TMC7: variants seen among roughly 807,000 people sequenced by gnomAD.
The protein encoded by TMC7 is transmembrane channel like 7, also known as transmembrane channel-like protein 7.
TMC7 carries 54 observed loss-of-function variants against 82.9 expected under a neutral mutation model. The ratio of observed to expected loss-of-function variants is 0.65; its 90% confidence interval spans 0.52 to 0.82. TMC7 has a LOEUF of 0.82. Ranked by LOEUF, TMC7 falls within the 40% of genes least tolerant of loss-of-function variation. The probability of loss-of-function intolerance (pLI) is 0.00; values close to 1 mark genes in which losing one functional copy is unlikely to be tolerated. For missense variants in TMC7, 820 were observed against 901.2 expected (o/e 0.91, Z 1.15); for synonymous variants, 350 against 337.9 (o/e 1.04, Z -0.39).
At chr16:19,047,037 C>A (rs1422984678) in intron 11 of TMC7, 26 bp from the exon 12 acceptor site, 5 of 1,579,814 alleles carry the variant, frequency 3.2e-6, no homozygotes, top group Non-Finnish European at 4.3e-6. Context: ...ACACCAGTAG[C>A]CCAAATGAGA....
intron 5 of TMC7, among the ~76,000 whole-genome samples, chr16:19,025,575 C>T (rs1008186645): frequency 6.6e-5 from 10 of 151,988 alleles, no homozygotes; most frequent in African/African-American, 2.2e-4. Context: ...GCTGAGATCA[C>T]GCAACTGCAT....
intron 9 of TMC7, among the ~76,000 whole-genome samples, chr16:19,041,232 C>T (rs568208243): frequency 7.6e-4 from 116 of 151,848 alleles, no homozygotes; most frequent in Non-Finnish European, 1.4e-3. Context: ...TGTAATGATC[C>T]CCATATGCCT....
In TMC7 at chr16:19,018,449, C is replaced by T. The variant is rs149121867; in HGVS notation, c.460+1851C>T. ...TGCTCTGAGAAAGAGTGCAAACTCT[C>T]TGGTGTCTCTTTTTATAAGGACACT... On this transcript the variant is annotated intron_variant, in intron 3 of 15. Coordinates refer to ENST00000304381, the MANE Select transcript of TMC7 (RefSeq NM_024847.4). Among the ~76,000 whole-genome samples, 167 of 152,192 alleles carry T rather than the reference C, an allele frequency of 1.1e-3. 2 individuals carry two copies. Among genetic ancestry groups the T allele is most frequent in the African/African-American group, 3.6e-3 (150 of 41,538 alleles).
intron 1 of TMC7, among the ~76,000 whole-genome samples, chr16:18,985,733 A>G (rs2038835904): frequency 6.7e-6 from 1 of 149,318 alleles, no homozygotes; most frequent in African/African-American, 2.5e-5. Flanking sequence ...GTACCCACCA[A>G]CATTGGTGGG....
intron 5 of TMC7, 139 bp from the exon 6 acceptor site, chr16:19,030,085 C>T: frequency 1.2e-6 from 1 of 824,194 alleles, no homozygotes; most frequent in Non-Finnish European, 1.9e-6. Flanking sequence ...CTCCCTGTGC[C>T]TCTGGGGCTG....
At chr16:19,031,208 T>A (rs935683169) in intron 6 of TMC7, among the ~76,000 whole-genome samples, 6 of 152,160 alleles carry the variant, frequency 3.9e-5, no homozygotes, top group African/African-American at 1.4e-4. Context: ...GGGTCACAGG[T>A]GCAGAAATCC....
At chr16:19,054,017 T>TATTCAGTCATATGAATGGGCCATAA (rs1440620818) in intron 13 of TMC7, among the ~76,000 whole-genome samples, 2 of 152,102 alleles carry the variant, frequency 1.3e-5, no homozygotes, top group Non-Finnish European at 2.9e-5. Context: ...GGTTCTTCAG[T>TATTCAGTCATATGAATGGGCCATAA]ATTCAGTCAT....
chr16:19,051,776 C>A lies in TMC7; in HGVS notation c.1831C>A (p.Leu611Met), dbSNP rs754607928. Residue 611 changes from leucine (L) to methionine (M), a missense_variant, in exon 13 of 16, where the codon CTG becomes ATG. By Grantham distance (15) the Leu-to-Met change is conservative (BLOSUM62 2). Coordinates refer to ENST00000304381, the MANE Select transcript of TMC7 (RefSeq NM_024847.4). ...CTTCCTGTTGGTGTTGTTGATCGGG[C>A]TGTGTTTGGCAATAATACCTCTGAC... ...FFFLLVLLIG[L>M]CLAIIPLTIS... is the part of the protein sequence containing the mutation. The A allele has an allele frequency of 6.2e-7, 1 of 1,614,034 alleles. No homozygotes were observed. Among genetic ancestry groups the A allele is most frequent in the South Asian group, 1.1e-5 (1 of 91,076 alleles).
At chr16:18,989,881 C>T (rs1426850969) in intron 1 of TMC7, among the ~76,000 whole-genome samples, 2 of 151,436 alleles carry the variant, frequency 1.3e-5, no homozygotes, top group African/African-American at 4.9e-5. Flanking sequence ...GAAGTGCAGT[C>T]GTGTGTTTCA....
At chr16:19,025,336 G>A (rs192459074) in intron 5 of TMC7, among the ~76,000 whole-genome samples, 289 of 152,096 alleles carry the variant, frequency 1.9e-3, no homozygotes, top group African/African-American at 6.5e-3. Context: ...ATACCATACC[G>A]GCCGGGTGCG....
At chr16:19,061,088 C>T (rs866880963) in intron 15 of TMC7, among the ~76,000 whole-genome samples, 3 of 151,904 alleles carry the variant, frequency 2.0e-5, no homozygotes, top group African/African-American at 4.8e-5. Context: ...ACTGCAACCT[C>T]CACCTCCTGG....
chr16:19,015,509 A>AT, intron 2 of TMC7, among the ~76,000 whole-genome samples: 1 of 152,026 alleles, frequency 6.6e-6, no homozygotes, highest in Admixed American at 6.6e-5. Context: ...GTCAGTGGAC[A>AT]TTTGGATTGT....
intron 2 of TMC7, among the ~76,000 whole-genome samples, chr16:19,010,112 TTCCCC>T (rs1381212313): frequency 3.0e-4 from 32 of 107,514 alleles, no homozygotes; most frequent in African/African-American, 1.0e-3. Flanking sequence ...TCCTTTCCCC[TTCCCC>T]CTTTCCCCTC....
intron 1 of TMC7, among the ~76,000 whole-genome samples, chr16:18,998,829 T>TAAG (rs2039091698): frequency 6.6e-6 from 1 of 152,006 alleles, no homozygotes; most frequent in African/African-American, 2.4e-5. Flanking sequence ...ATGGAGTTAG[T>TAAG]CACTGCTCCT....
At chr16:19,030,858 C>T (rs1960484908) in intron 6 of TMC7, among the ~76,000 whole-genome samples, 4 of 152,068 alleles carry the variant, frequency 2.6e-5, no homozygotes, top group African/African-American at 9.7e-5. Context: ...CAGGTGTGAG[C>T]CACCGCACCT....
intron 1 of TMC7, among the ~76,000 whole-genome samples, chr16:19,004,842 A>G (rs981626371): frequency 6.6e-6 from 1 of 151,418 alleles, no homozygotes; most frequent in African/African-American, 2.4e-5. Context: ...AATCTGTAAC[A>G]TGGAGATAAT....
intron 1 of TMC7, among the ~76,000 whole-genome samples, chr16:19,002,306 G>A (rs117825257): frequency 0.014 from 2,122 of 149,262 alleles, 22 homozygotes; most frequent in Middle Eastern, 0.056. Context: ...GAGTGATCTC[G>A]GCTCACTGCA....
Position 19,016,575 on chromosome 16 carries a change from G to A in TMC7, c.437G>A (p.Arg146Gln), listed in dbSNP as rs1008847874. The change falls in exon 3 of 16, where the codon CGG becomes CAG. Residue 146 changes from arginine to glutamine, a missense_variant. By Grantham distance (43) the Arg-to-Gln change is conservative (BLOSUM62 1). Around this residue, in one of 2 missense-constraint regions of TMC7, gnomAD observed 650 missense variants for 669.9 expected, o/e 0.97. Transcript: ENST00000304381. ...REMTTHLELW[R>Q]EDIRSIEGKF... is the part of the protein sequence containing the mutation. ...ATGACGACCCACCTGGAGCTGTGGC[G>A]GGAGGACATCCGCAGCATAGAAGGT... 3 of 1,613,764 alleles carry A rather than the reference G, an allele frequency of 1.9e-6. No homozygotes were observed. The highest frequency in any genetic ancestry group is 1.7e-6 in the Non-Finnish European group (2 of 1,180,002).
intron 6 of TMC7, among the ~76,000 whole-genome samples, chr16:19,030,639 C>T (rs1032470949): frequency 4.0e-5 from 6 of 149,116 alleles, no homozygotes; most frequent in Non-Finnish European, 5.9e-5. Context: ...AGTGCGGTGG[C>T]GGGATCTCGG....
Sources: allele counts gnomAD v4.1 joint callset (sites outside exome capture counted in the v4.1 genomes callset), GRCh38; gene constraint gnomAD v4.1.1; regional missense constraint gnomAD v4.1.1; transcripts MANE v1.5; gene names NCBI Gene and HGNC (gene_info 2026-07-23, HGNC 2026-07-21).